Variants in GOLGA3 observed in about 807,000 individuals in gnomAD.
GOLGA3 encodes the protein golgin A3.
A neutral mutation model predicts 169.4 loss-of-function variants in GOLGA3; 75 were observed. That is an observed-to-expected ratio of 0.44 (90% CI 0.37 to 0.54). The LOEUF (loss-of-function observed/expected upper bound fraction) is 0.54, where lower values mean the gene tolerates loss of function less well. Ranked by LOEUF, GOLGA3 falls within the 20% of genes least tolerant of loss-of-function variation. The pLI, the probability that GOLGA3 is intolerant of heterozygous loss-of-function variation, is 0.00. For missense variants in GOLGA3, 1,899 were observed against 1,930.0 expected, an observed-to-expected ratio of 0.98 and a Z score of 0.30; for synonymous variants, 824 against 822.4, an observed-to-expected ratio of 1.00 and a Z score of -0.03.
intron 1 of GOLGA3, chr12:132,826,148 A>G: frequency 6.3e-7 from 1 of 1,595,408 alleles, no homozygotes; most frequent in Non-Finnish European, 8.6e-7. Context: ...CCAGGTCACC[A>G]AGGCTGCCAG....
intron 1 of GOLGA3, among the ~76,000 whole-genome samples, chr12:132,822,521 T>C (rs899136992): frequency 2.0e-5 from 3 of 152,364 alleles, no homozygotes; most frequent in East Asian, 3.9e-4. Flanking sequence ...CTGAAGGAGC[T>C]TAATGTCTGT....
At chr12:132,784,407 AC>A in intron 15 of GOLGA3, 100 bp from the exon 16 acceptor site, 1 of 962,692 alleles carries the variant, frequency 1.0e-6, no homozygotes, top group Non-Finnish European at 1.6e-6. Context: ...GGCTGCACAC[AC>A]CAGACACCAG....
chr12:132,780,837 T>C lies in GOLGA3; in HGVS notation c.3543A>G (p.Leu1181=). The C allele has an allele frequency of 1.2e-6, 2 of 1,612,108 alleles. No homozygotes were observed. Among genetic ancestry groups the C allele is most frequent in the East Asian group, 2.2e-5 (1 of 44,878 alleles). ...TGTTCACCTTCTCCTTCTCCTTCTC[T>C]AGTGAGGCCTGCAGGGCCTGGACAA... is the stretch of plus-strand genomic sequence containing the variant. ...KHLVQALQAS[L]EKEKEKVNSL... Residue 1181 remains leucine, a synonymous_variant, in exon 18 of 24, where the codon CTA becomes CTG. Coordinates refer to ENST00000450791, the MANE Select transcript of GOLGA3 (RefSeq NM_001389683.1).
rs190027232 is a variant in GOLGA3, at chr12:132,784,184, C to T, written c.3247G>A (p.Val1083Met). 7 of 1,609,094 alleles carry T rather than the reference C, an allele frequency of 4.4e-6. No individual in the cohort carries two copies. The highest frequency in any genetic ancestry group is 5.9e-6 in the Non-Finnish European group (7 of 1,180,018). Reference sequence around the variant, plus strand: ...CTCACCTCGTCCTCCAGCTCCAGCACCTTCTCCCGGGACTCCTCCAGCTCC... The same window carrying T: ...CTCACCTCGTCCTCCAGCTCCAGCATCTTCTCCCGGGACTCCTCCAGCTCC... ...SQELEESREK[V>M]LELEDELQES... The change falls in exon 16 of 24, where the codon GTG (valine) becomes ATG (methionine). Residue 1083 changes from valine (V) to methionine (M), a missense_variant. Val to Met is a conservative substitution (Grantham distance 21). Coordinates refer to ENST00000450791, the MANE Select transcript of GOLGA3 (RefSeq NM_001389683.1).
At chr12:132,802,346 G>A (rs111232956) in intron 7 of GOLGA3, among the ~76,000 whole-genome samples, 4 of 146,644 alleles carry the variant, frequency 2.7e-5, no homozygotes, top group Middle Eastern at 3.2e-3. Flanking sequence ...AGATTCTCTA[G>A]GAAATAACAG....
In GOLGA3 at chr12:132,769,713, C is replaced by T. The variant is rs1229617067; in HGVS notation, c.*3392G>A. On this transcript the variant is annotated 3_prime_UTR_variant, in exon 24 of 24. Coordinates refer to ENST00000450791, the MANE Select transcript of GOLGA3 (RefSeq NM_001389683.1). Reference sequence around the variant, plus strand: ...ATGAACACGCCGCCCTAGCCCGTGACACACGGCGTGGGGATGAACACGCCA... The same window carrying T: ...ATGAACACGCCGCCCTAGCCCGTGATACACGGCGTGGGGATGAACACGCCA... 1.3e-5 allele frequency: 2 copies of T among 152,178 alleles called. No homozygotes were observed. Among genetic ancestry groups the T allele is most frequent in the African/African-American group, 2.4e-5 (1 of 41,442 alleles). 9.4% of individuals were successfully genotyped at this position (152,178 alleles called of 1,614,324 possible).
Position 132,825,994 on chromosome 12 carries a change from G to C in GOLGA3, c.-184+2809C>G, listed in dbSNP as rs1950398037. On this transcript the variant is annotated intron_variant, in intron 1 of 23. Coordinates refer to ENST00000450791, the MANE Select transcript of GOLGA3 (RefSeq NM_001389683.1). ...GAGACTACCTGCACTACATCCGCAA[G>C]TACAACCACTTCGAGAAGCACCACA... 4.5e-6 allele frequency: 5 copies of C among 1,109,304 alleles called. No homozygotes were observed. The African/African-American group carries it at 4.6e-5, about 10-fold the overall frequency. 68.7% of individuals were successfully genotyped at this position (1,109,304 alleles called of 1,614,324 possible). A position where few individuals can be genotyped will look rare whatever the true frequency, so the allele number is the denominator to read the frequency against.
intron 15 of GOLGA3, 22 bp from the exon 16 acceptor site, chr12:132,784,329 G>A (rs969462730): frequency 1.3e-6 from 2 of 1,594,644 alleles, no homozygotes; most frequent in African/African-American, 2.7e-5. Context: ...GATGGAACGG[G>A]CGCTTGGTCA....
At chr12:132,815,941 G>A (rs570477462) in intron 3 of GOLGA3, among the ~76,000 whole-genome samples, 203 of 152,230 alleles carry the variant, frequency 1.3e-3, no homozygotes, top group African/African-American at 4.6e-3. Context: ...GCTCACGCCT[G>A]TAATCCCAAC....
chr12:132,828,258 G>C (rs1392073033), intron 1 of GOLGA3: 4 of 152,324 alleles, frequency 2.6e-5, no homozygotes, highest in African/African-American at 9.6e-5. Context: ...GGTGGGCTCC[G>C]CGGGGGCAGT....
intron 12 of GOLGA3, among the ~76,000 whole-genome samples, chr12:132,789,501 C>T (rs1234061864): frequency 6.6e-6 from 1 of 152,206 alleles, no homozygotes; most frequent in African/African-American, 2.4e-5. Context: ...TGAGAGACTG[C>T]GTGGTGCACA....
At chr12:132,791,128 A>G (rs1010620734) in intron 12 of GOLGA3, 88 bp downstream of exon 12, 4 of 593,732 alleles carry the variant, frequency 6.7e-6, no homozygotes, top group Non-Finnish European at 1.2e-5. Context: ...CTCAACTTCA[A>G]TGACATTGGA....
chr12:132,813,554 G>C (rs1043733484), intron 3 of GOLGA3, 135 bp from the exon 4 acceptor site: 2 of 562,028 alleles, frequency 3.6e-6, no homozygotes, highest in Middle Eastern at 2.8e-4. Context: ...ATCTTGTTTG[G>C]AAGGACAATT....
chr12:132,780,329 G>C (rs1457167977), intron 18 of GOLGA3, among the ~76,000 whole-genome samples: 1 of 152,178 alleles, frequency 6.6e-6, no homozygotes, highest in Non-Finnish European at 1.5e-5. Context: ...GCAGGGCCCA[G>C]ACAGGGCACC....
At chr12:132,821,300 G>A (rs1219452287) in intron 2 of GOLGA3, among the ~76,000 whole-genome samples, 21 of 151,412 alleles carry the variant, frequency 1.4e-4, no homozygotes, top group African/African-American at 4.8e-4. Context: ...CCAGCTACTC[G>A]GGAGGCTGAG....
chr12:132,798,606 C>A, intron 8 of GOLGA3, 129 bp from the exon 9 acceptor site: 1 of 688,340 alleles, frequency 1.5e-6, no homozygotes. Flanking sequence ...GCAAGCCCCA[C>A]TACCCACTAC....
Position 132,796,056 on chromosome 12 carries a change from C to G in GOLGA3, c.2265G>C (p.Gly755=). The change falls in exon 11 of 24, where the codon GGG becomes GGC. Residue 755 remains glycine (G), a synonymous_variant. Coordinates refer to ENST00000450791, the MANE Select transcript of GOLGA3 (RefSeq NM_001389683.1). The stretch of plus-strand genomic sequence containing the variant: ...TGGAGGCGGCCTCGCCCTGCAGCTC[C>G]CCCAGCCTGGCCTGCAGCTCATCGT... ...THYDELQARL[G]ELQGEAASRE... The G allele has an allele frequency of 6.2e-7, 1 of 1,612,710 alleles. No homozygotes were observed. The highest frequency in any genetic ancestry group is 8.5e-7 in the Non-Finnish European group (1 of 1,179,954).
At chr12:132,810,224 G>C (rs1593353346) in intron 4 of GOLGA3, among the ~76,000 whole-genome samples, 1 of 152,124 alleles carries the variant, frequency 6.6e-6, no homozygotes, top group East Asian at 1.9e-4. Context: ...CTCCAGCCTG[G>C]GTGACAGAGT....
intron 9 of GOLGA3, among the ~76,000 whole-genome samples, chr12:132,797,851 G>T (rs1030762440): frequency 6.6e-6 from 1 of 152,252 alleles, no homozygotes; most frequent in Non-Finnish European, 1.5e-5. Flanking sequence ...TCGACAGCGT[G>T]TGGTTGCTGG....
Sources: allele counts gnomAD v4.1 joint callset (sites outside exome capture counted in the v4.1 genomes callset), GRCh38; gene constraint gnomAD v4.1.1; transcripts MANE v1.5; gene names NCBI Gene and HGNC (gene_info 2026-07-23, HGNC 2026-07-21).